Variants in ALCAM observed in about 807,000 individuals in gnomAD.
ALCAM encodes the protein activated leukocyte cell adhesion molecule.
A neutral mutation model predicts 70.9 loss-of-function variants in ALCAM; 30 were observed. The observed-to-expected ratio is 0.42, with a 90% CI of 0.32 to 0.57. ALCAM has a LOEUF of 0.57. Ranked by LOEUF, ALCAM falls within the 20% of genes least tolerant of loss-of-function variation. ALCAM has a pLI of 0.11. For synonymous variants in ALCAM, 249 were observed against 242.5 expected, an observed-to-expected ratio of 1.03 and a Z score of -0.25; for missense variants, 591 against 695.1, an observed-to-expected ratio of 0.85 and a Z score of 1.68.
intron 14 of ALCAM, among the ~76,000 whole-genome samples, chr3:105,558,498 C>T (rs889047612): frequency 2.0e-5 from 3 of 152,032 alleles, no homozygotes; most frequent in African/African-American, 7.3e-5. Context: ...ACTTGTCCTG[C>T]CTCCTCTATC....
At chr3:105,424,155 T>C (rs141295027) in intron 1 of ALCAM, among the ~76,000 whole-genome samples, 1,789 of 151,716 alleles carry the variant, frequency 0.012, 25 homozygotes, top group Non-Finnish European at 0.017. Flanking sequence ...GTATCTACTT[T>C]GTAGGGTTTT....
At chr3:105,468,147 A>G (rs1559801679) in intron 1 of ALCAM, among the ~76,000 whole-genome samples, 1 of 151,352 alleles carries the variant, frequency 6.6e-6, no homozygotes, top group African/African-American at 2.4e-5. Flanking sequence ...CAGACTAAAC[A>G]TGTACCTGCA....
At chr3:105,469,296 C>G (rs1937849311) in intron 1 of ALCAM, among the ~76,000 whole-genome samples, 1 of 151,238 alleles carries the variant, frequency 6.6e-6, no homozygotes, top group Non-Finnish European at 1.5e-5. Flanking sequence ...AGAGTCTGTA[C>G]TGCACAGTTC....
At chr3:105,497,225 C>G (rs1010035993) in intron 1 of ALCAM, among the ~76,000 whole-genome samples, 14 of 151,952 alleles carry the variant, frequency 9.2e-5, no homozygotes, top group African/African-American at 3.4e-4. Flanking sequence ...ATACTGAAGA[C>G]AAGAAATAAT....
intron 1 of ALCAM, among the ~76,000 whole-genome samples, chr3:105,410,659 G>C (rs1038223955): frequency 6.6e-6 from 1 of 151,824 alleles, no homozygotes; most frequent in Non-Finnish European, 1.5e-5. Context: ...TTACCTTTCC[G>C]AGGCAGGCAG....
chr3:105,533,451 C>T, intron 4 of ALCAM, 152 bp from the exon 5 acceptor site: 3 of 441,950 alleles, frequency 6.8e-6, no homozygotes, highest in South Asian at 8.7e-5. Context: ...GTTTTTATAC[C>T]AGAGAGCATG....
intron 1 of ALCAM, among the ~76,000 whole-genome samples, chr3:105,491,971 G>C (rs1314716786): frequency 6.6e-6 from 1 of 152,100 alleles, no homozygotes; most frequent in East Asian, 1.9e-4. Context: ...CCAATTTTCT[G>C]TATTAGTCCA....
chr3:105,417,426 GA>G (rs1472063303), intron 1 of ALCAM, among the ~76,000 whole-genome samples: 2 of 151,260 alleles, frequency 1.3e-5, no homozygotes, highest in Non-Finnish European at 3.0e-5. Flanking sequence ...TAACATAGAT[GA>G]AAAATAGATA....
At chr3:105,372,921 A>T (rs1289380066) in intron 1 of ALCAM, among the ~76,000 whole-genome samples, 2 of 152,132 alleles carry the variant, frequency 1.3e-5, no homozygotes, top group Non-Finnish European at 2.9e-5. Context: ...TTCACAGGAA[A>T]ACATACTATG....
intron 1 of ALCAM, among the ~76,000 whole-genome samples, chr3:105,499,803 C>T (rs1559812423): frequency 6.6e-6 from 1 of 152,154 alleles, no homozygotes; most frequent in Non-Finnish European, 1.5e-5. Flanking sequence ...GAACAGACAG[C>T]TTACCCAAAA....
intron 1 of ALCAM, among the ~76,000 whole-genome samples, chr3:105,493,466 A>G (rs1938644535): frequency 6.6e-6 from 1 of 152,188 alleles, no homozygotes; most frequent in African/African-American, 2.4e-5. Flanking sequence ...GATTAAGGTT[A>G]AGGGCATTGA....
intron 12 of ALCAM, among the ~76,000 whole-genome samples, chr3:105,550,936 G>T (rs879862450): frequency 2.0e-5 from 3 of 151,560 alleles, no homozygotes; most frequent in Non-Finnish European, 4.4e-5. Context: ...ATGTGAAATT[G>T]TCCATAATCT....
intron 1 of ALCAM, among the ~76,000 whole-genome samples, chr3:105,486,926 C>T (rs922497330): frequency 6.7e-6 from 1 of 148,428 alleles, no homozygotes; most frequent in Non-Finnish European, 1.5e-5. Context: ...GTGAATTATT[C>T]TTCGGCTATC....
chr3:105,496,219 A>C (rs1417856294), intron 1 of ALCAM, among the ~76,000 whole-genome samples: 1 of 152,200 alleles, frequency 6.6e-6, no homozygotes, highest in Admixed American at 6.5e-5. Context: ...TTACATTTTC[A>C]AATTAGGCGA....
intron 1 of ALCAM, among the ~76,000 whole-genome samples, chr3:105,414,389 T>C (rs1201035697): frequency 6.6e-6 from 1 of 152,020 alleles, no homozygotes; most frequent in African/African-American, 2.4e-5. Flanking sequence ...CACTTCAGCC[T>C]GGGTAACAGA....
At chr3:105,465,454 T>G (rs1419689020) in intron 1 of ALCAM, among the ~76,000 whole-genome samples, 2 of 151,376 alleles carry the variant, frequency 1.3e-5, no homozygotes, top group Non-Finnish European at 3.0e-5. Flanking sequence ...TAAAAATATG[T>G]AGAGAAAAAG....
intron 1 of ALCAM, among the ~76,000 whole-genome samples, chr3:105,491,097 C>CACCT (rs2152611154): frequency 6.6e-6 from 1 of 152,344 alleles, no homozygotes; most frequent in East Asian, 1.9e-4. Context: ...GACTTCTGTG[C>CACCT]ACCTGCAGGC....
intron 1 of ALCAM, among the ~76,000 whole-genome samples, chr3:105,494,527 G>T (rs762547357): frequency 2.6e-5 from 4 of 150,984 alleles, no homozygotes; most frequent in Non-Finnish European, 4.4e-5. Flanking sequence ...GGAAAACAAA[G>T]TTGCTCCCTC....
intron 1 of ALCAM, among the ~76,000 whole-genome samples, chr3:105,403,557 C>T (rs999807942): frequency 6.6e-6 from 1 of 152,038 alleles, no homozygotes; most frequent in African/African-American, 2.4e-5. Flanking sequence ...CAAGGGAGCA[C>T]CCTGTGGGAC....
Sources: allele counts gnomAD v4.1 joint callset (sites outside exome capture counted in the v4.1 genomes callset), GRCh38; gene constraint gnomAD v4.1.1; transcripts MANE v1.5; gene names NCBI Gene and HGNC (gene_info 2026-07-23, HGNC 2026-07-21).